The following KCNAB1 variants were observed in gnomAD, a reference collection of about 807,000 sequenced individuals.
KCNAB1 encodes voltage-gated potassium channel subunit beta-1.
A neutral mutation model predicts 64.6 loss-of-function variants in KCNAB1; 35 were observed. The observed-to-expected ratio is 0.54, with a 90% CI of 0.41 to 0.72. The LOEUF is 0.72. Ranked by LOEUF, KCNAB1 falls within the 30% of genes least tolerant of loss-of-function variation. KCNAB1 has a pLI of 0.00. For synonymous variants in KCNAB1, 177 were observed against 183.8 expected, an observed-to-expected ratio of 0.96 and a Z score of 0.30; for missense variants, 401 against 512.9, an observed-to-expected ratio of 0.78 and a Z score of 2.11.
At chr3:156,406,794 G>T (rs1046221362) in intron 1 of KCNAB1, among the ~76,000 whole-genome samples, 3 of 152,162 alleles carry the variant, frequency 2.0e-5, no homozygotes, top group African/African-American at 7.2e-5. Flanking sequence ...CATTAAAAAG[G>T]AAAGGGGTAC....
intron 1 of KCNAB1, among the ~76,000 whole-genome samples, chr3:156,230,812 T>A (rs1016327930): frequency 6.6e-6 from 1 of 152,224 alleles, no homozygotes; most frequent in Non-Finnish European, 1.5e-5. Context: ...TTACATATGA[T>A]TGTGTATCTT....
intron 1 of KCNAB1, among the ~76,000 whole-genome samples, chr3:156,350,481 C>G (rs2108083252): frequency 1.3e-5 from 2 of 150,822 alleles, no homozygotes; most frequent in Admixed American, 1.3e-4. Context: ...CACTGTAGCC[C>G]CAGCAACAGA....
intron 1 of KCNAB1, among the ~76,000 whole-genome samples, chr3:156,160,115 C>A (rs1242160243): frequency 6.6e-6 from 1 of 152,158 alleles, no homozygotes; most frequent in African/African-American, 2.4e-5. Flanking sequence ...GATAAGAGTT[C>A]AACAAGTGGT....
chr3:156,369,700 G>A (rs1403621543), intron 1 of KCNAB1, among the ~76,000 whole-genome samples: 4 of 152,220 alleles, frequency 2.6e-5, no homozygotes, highest in African/African-American at 4.8e-5. Flanking sequence ...CAGAATCCAA[G>A]AGAATCTTGG....
intron 1 of KCNAB1, chr3:156,176,240 T>A (rs1478985675): frequency 2.8e-5 from 22 of 793,398 alleles, no homozygotes; most frequent in Non-Finnish European, 4.9e-5. Flanking sequence ...ATGGTGTAGG[T>A]TAGTTTGTTC....
Position 156,508,876 on chromosome 3 carries a change from T to C in KCNAB1, c.659-5488T>C, listed in dbSNP as rs905509797. The stretch of plus-strand genomic sequence containing the variant: ...GCATCATTAGGTTAAAGAATAATGA[T>C]TATTTCAACCTGGAAAGGAGCGCAG... On this transcript the variant is annotated intron_variant, in intron 8 of 13. Transcript: ENST00000490337. The surrounding 1 kb of genome is among the most constrained non-coding windows in gnomAD (Gnocchi z 4.1). 1.3e-5 allele frequency among the ~76,000 whole-genome samples: 2 copies of C among 152,174 alleles called. No individual in the cohort carries two copies. Among genetic ancestry groups the C allele is most frequent in the African/African-American group, 4.8e-5 (2 of 41,432 alleles).
intron 2 of KCNAB1, among the ~76,000 whole-genome samples, chr3:156,443,536 AATCTTTCAG>A (rs1333739453): frequency 6.6e-6 from 1 of 152,100 alleles, no homozygotes; most frequent in Non-Finnish European, 1.5e-5. Flanking sequence ...AAATAGATGG[AATCTTTCAG>A]ACCCTGTAGT....
intron 1 of KCNAB1, among the ~76,000 whole-genome samples, chr3:156,349,941 A>G (rs1030258608): frequency 6.6e-6 from 1 of 152,032 alleles, no homozygotes; most frequent in Admixed American, 6.6e-5. Context: ...TTTCCTATGA[A>G]TGTTTAGCCT....
At chr3:156,194,899 A>T (rs1326803449) in intron 1 of KCNAB1, among the ~76,000 whole-genome samples, 1 of 151,742 alleles carries the variant, frequency 6.6e-6, no homozygotes, top group Admixed American at 6.6e-5. Context: ...TAAGCCCTGG[A>T]TGCATTACGT....
At chr3:156,445,073 G>A (rs1458398598) in intron 2 of KCNAB1, among the ~76,000 whole-genome samples, 2 of 152,158 alleles carry the variant, frequency 1.3e-5, no homozygotes, top group African/African-American at 4.8e-5. Context: ...TGCGGTGGGC[G>A]GATCACAGGG....
intron 1 of KCNAB1, among the ~76,000 whole-genome samples, chr3:156,371,082 CTTCCAGAT>C (rs1289592725): frequency 6.6e-6 from 1 of 152,198 alleles, no homozygotes; most frequent in South Asian, 2.1e-4. Context: ...GCATTGGCCA[CTTCCAGAT>C]TTTCCAGCAT....
At chr3:156,376,874 A>C (rs776128500) in intron 1 of KCNAB1, among the ~76,000 whole-genome samples, 1 of 152,222 alleles carries the variant, frequency 6.6e-6, no homozygotes, top group Non-Finnish European at 1.5e-5. Flanking sequence ...AGAAAGTAAC[A>C]ATGGAACAAG....
At chr3:156,407,938 C>T (rs1444520413) in intron 1 of KCNAB1, among the ~76,000 whole-genome samples, 2 of 152,168 alleles carry the variant, frequency 1.3e-5, no homozygotes, top group South Asian at 2.1e-4. Flanking sequence ...TTTCTTACCC[C>T]GTTGTTTCTG....
intron 1 of KCNAB1, among the ~76,000 whole-genome samples, chr3:156,182,634 C>CCT (rs538020265): frequency 6.6e-6 from 1 of 151,676 alleles, no homozygotes; most frequent in African/African-American, 2.4e-5. Context: ...TTTTTTCCCC[C>CCT]CCCCGGGTCT....
intron 1 of KCNAB1, among the ~76,000 whole-genome samples, chr3:156,384,071 G>A (rs906081741): frequency 3.3e-5 from 5 of 152,204 alleles, no homozygotes; most frequent in African/African-American, 9.6e-5. Context: ...GTTGGAGGCT[G>A]GTCTGTATCC....
At chr3:156,495,150 G>T (rs775372008) in intron 8 of KCNAB1, among the ~76,000 whole-genome samples, 1 of 152,078 alleles carries the variant, frequency 6.6e-6, no homozygotes, top group African/African-American at 2.4e-5. Flanking sequence ...GCATTAGTTT[G>T]CTAGAGATAA....
At chr3:156,527,148 TAAAATC>T (rs1328817458) in intron 12 of KCNAB1, among the ~76,000 whole-genome samples, 1 of 152,116 alleles carries the variant, frequency 6.6e-6, no homozygotes, top group Non-Finnish European at 1.5e-5. Flanking sequence ...AAAAATAAAA[TAAAATC>T]AAACAATGTA....
intron 1 of KCNAB1, among the ~76,000 whole-genome samples, chr3:156,175,339 G>A (rs2108333500): frequency 6.6e-6 from 1 of 152,316 alleles, no homozygotes; most frequent in Admixed American, 6.5e-5. Flanking sequence ...CGTCCCTGAA[G>A]GCCGGGCACG....
intron 12 of KCNAB1, among the ~76,000 whole-genome samples, chr3:156,525,731 G>C (rs778568551): frequency 6.6e-6 from 1 of 152,184 alleles, no homozygotes; most frequent in Non-Finnish European, 1.5e-5. Flanking sequence ...GGTCAGGCTG[G>C]TCTCTAACTC....
Sources: gnomAD v4.1 joint callset for allele counts (sites outside exome capture counted in the v4.1 genomes callset) on GRCh38, gnomAD v4.1.1 for gene constraint, Gnocchi (gnomAD v3.1) non-coding constraint, MANE v1.5 for transcripts, NCBI Gene and HGNC (gene_info 2026-07-23, HGNC 2026-07-21) for gene names.